The following SYT9 variants were observed in gnomAD, a reference collection of about 807,000 sequenced individuals.
The protein encoded by SYT9 is synaptotagmin 9.
In SYT9, 22 loss-of-function variants were observed where a neutral mutation model predicts 48.4. That is an observed-to-expected ratio of 0.45 (90% CI 0.32 to 0.65). The LOEUF is 0.65. Ranked by LOEUF, SYT9 falls within the 30% of genes least tolerant of loss-of-function variation. SYT9 has a pLI of 0.03. For missense variants in SYT9, 577 were observed against 622.0 expected (o/e 0.93, Z 0.77); for synonymous variants, 265 against 245.0 (o/e 1.08, Z -0.76).
chr11:7,368,347 T>TGTTGTTGTTG (rs71470474), intron 3 of SYT9, among the ~76,000 whole-genome samples: 8 of 151,758 alleles, frequency 5.3e-5, no homozygotes, highest in Non-Finnish European at 7.4e-5. Flanking sequence ...ATAATGGGGT[T>TGTTGTTGTTG]TTGTTGTTGT....
intron 3 of SYT9, among the ~76,000 whole-genome samples, chr11:7,401,333 A>G (rs929634198): frequency 6.6e-6 from 1 of 150,708 alleles, no homozygotes; most frequent in Non-Finnish European, 1.5e-5. Flanking sequence ...TATATATCAT[A>G]TATAATGCAA....
At chr11:7,334,583 C>G (rs1037136012) in intron 3 of SYT9, among the ~76,000 whole-genome samples, 18 of 150,242 alleles carry the variant, frequency 1.2e-4, no homozygotes, top group African/African-American at 3.7e-4. Flanking sequence ...ATGAACGTAT[C>G]TGTCACCTCA....
chr11:7,273,965 C>T (rs1246589776), intron 1 of SYT9, among the ~76,000 whole-genome samples: 1 of 152,050 alleles, frequency 6.6e-6, no homozygotes, highest in African/African-American at 2.4e-5. Context: ...GGCTTAAAAC[C>T]TAGATGACAG....
At chr11:7,347,333 G>A (rs1185151586) in intron 3 of SYT9, among the ~76,000 whole-genome samples, 3 of 152,024 alleles carry the variant, frequency 2.0e-5, no homozygotes, top group African/African-American at 7.3e-5. Context: ...CCAGGTTCAA[G>A]CGACTCTCTT....
chr11:7,335,566 A>G (rs1849618293), intron 3 of SYT9, among the ~76,000 whole-genome samples: 1 of 151,866 alleles, frequency 6.6e-6, no homozygotes, highest in Non-Finnish European at 1.5e-5. Flanking sequence ...AACATGTGGT[A>G]TTTGGTTTTC....
chr11:7,240,145 G>A (rs11041270), intron 1 of SYT9, among the ~76,000 whole-genome samples: 34,918 of 151,978 alleles, frequency 0.23, 4,295 homozygotes, highest in African/African-American at 0.32. Context: ...AGAGTAGTCC[G>A]TGAGAAAAGA....
intron 6 of SYT9, chr11:7,441,601 A>G (rs1159113492): frequency 6.6e-6 from 1 of 152,160 alleles, no homozygotes; most frequent in Non-Finnish European, 1.5e-5. Flanking sequence ...TTCCCAGGCT[A>G]TTGGGCCATC....
At chr11:7,401,190 C>G (rs560403684) in intron 3 of SYT9, among the ~76,000 whole-genome samples, 3 of 151,904 alleles carry the variant, frequency 2.0e-5, no homozygotes, top group African/African-American at 4.8e-5. Flanking sequence ...CACAAAATTA[C>G]TAAACAACTT....
At chr11:7,286,054 G>C (rs1298611092) in intron 1 of SYT9, among the ~76,000 whole-genome samples, 1 of 152,174 alleles carries the variant, frequency 6.6e-6, no homozygotes, top group Non-Finnish European at 1.5e-5. Context: ...TATCCTTCTG[G>C]GGTCTGGAGG....
At chr11:7,334,336 G>T (rs1376414366) in intron 3 of SYT9, among the ~76,000 whole-genome samples, 1 of 152,144 alleles carries the variant, frequency 6.6e-6, no homozygotes, top group South Asian at 2.1e-4. Flanking sequence ...AAATCACTCT[G>T]GCTGCAGTGA....
At chr11:7,314,030 T>C in intron 3 of SYT9, 89 bp downstream of exon 3, 2 of 1,449,724 alleles carry the variant, frequency 1.4e-6, no homozygotes, top group Non-Finnish European at 1.9e-6. Context: ...GAGGACAAAG[T>C]GTAAAATTCC....
Position 7,252,396 on chromosome 11 carries a change from G to C in SYT9, c.145+65G>C, listed in dbSNP as rs373542452. On this transcript the variant is annotated intron_variant, in intron 1 of 6. Coordinates refer to ENST00000318881, the MANE Select transcript of SYT9 (RefSeq NM_175733.4). This position sits in a 1 kb window ranked among gnomAD's most constrained non-coding sequence, Gnocchi z 6.3. Reference sequence around the variant, plus strand: ...CTGGGCTGGGACTTGGGGCCGCACCGGGGCCTGAGGCAGAACAGCGACGCG... The same window carrying C: ...CTGGGCTGGGACTTGGGGCCGCACCCGGGCCTGAGGCAGAACAGCGACGCG... 7.4e-7 allele frequency: 1 copy of C among 1,353,258 alleles called. No individual in the cohort carries two copies. Among genetic ancestry groups the C allele is most frequent in the South Asian group, 1.8e-5 (1 of 54,522 alleles). The allele number at this position is 1,353,258 out of a possible 1,614,324, so 83.8% of individuals were successfully genotyped here.
upstream of SYT9, among the ~76,000 whole-genome samples, chr11:7,251,095 C>T (rs1847857599): frequency 7.7e-6 from 1 of 130,178 alleles, no homozygotes; most frequent in Non-Finnish European, 1.6e-5. Flanking sequence ...GCTTGTGGCA[C>T]AGTGACACAC....
At chr11:7,300,608 A>G (rs1848901190) in intron 1 of SYT9, among the ~76,000 whole-genome samples, 1 of 152,216 alleles carries the variant, frequency 6.6e-6, no homozygotes. Flanking sequence ...CTGTGTCAGG[A>G]CAGAGCTGAA....
At chr11:7,302,925 C>G (rs891715096) in intron 1 of SYT9, 114 bp from the exon 2 acceptor site, 1 of 943,752 alleles carries the variant, frequency 1.1e-6, no homozygotes, top group Non-Finnish European at 1.6e-6. Context: ...GCATGGCCTT[C>G]CGCAGTCGGC....
chr11:7,343,264 A>G (rs1175245790), intron 3 of SYT9, among the ~76,000 whole-genome samples: 1 of 152,104 alleles, frequency 6.6e-6, no homozygotes, highest in African/African-American at 2.4e-5. Context: ...TTTCTATTGC[A>G]TGGTCAGGCT....
chr11:7,440,501 A>G (rs1350302828), intron 6 of SYT9: 1 of 152,226 alleles, frequency 6.6e-6, no homozygotes, highest in Non-Finnish European at 1.5e-5. Flanking sequence ...TACCTTCCCA[A>G]TGTTGAGTAA....
intron 1 of SYT9, among the ~76,000 whole-genome samples, chr11:7,272,401 C>T (rs142302564): frequency 7.3e-4 from 111 of 152,254 alleles, no homozygotes; most frequent in African/African-American, 2.6e-3. Flanking sequence ...CTTCTAGTGC[C>T]CTTATCCATT....
intron 1 of SYT9, among the ~76,000 whole-genome samples, chr11:7,273,415 G>A (rs1848331456): frequency 6.6e-6 from 1 of 152,054 alleles, no homozygotes; most frequent in African/African-American, 2.4e-5. Flanking sequence ...CATAGTTAAG[G>A]AATTATGGCC....
Sources: allele counts gnomAD v4.1 joint callset (sites outside exome capture counted in the v4.1 genomes callset), GRCh38; gene constraint gnomAD v4.1.1; non-coding constraint Gnocchi (gnomAD v3.1); transcripts MANE v1.5; gene names NCBI Gene and HGNC (gene_info 2026-07-23, HGNC 2026-07-21).